MYO18B: variants seen among roughly 807,000 people sequenced by gnomAD.
MYO18B encodes myosin XVIIIB, also known as unconventional myosin-XVIIIb.
MYO18B carries 204 observed loss-of-function variants against 273.0 expected under a neutral mutation model. That is an observed-to-expected ratio of 0.75 (90% CI 0.67 to 0.84). The LOEUF (loss-of-function observed/expected upper bound fraction) is 0.84, where lower values mean the gene tolerates loss of function less well. MYO18B is among the 40% of genes least tolerant of loss of function. MYO18B has a pLI of 0.00. For synonymous variants in MYO18B, 1,330 were observed against 1,305.7 expected, an observed-to-expected ratio of 1.02 and a Z score of -0.40; for missense variants, 3,212 against 3,287.6, an observed-to-expected ratio of 0.98 and a Z score of 0.56.
intron 39 of MYO18B, among the ~76,000 whole-genome samples, chr22:25,982,735 G>A (rs913564443): frequency 3.9e-5 from 6 of 151,986 alleles, no homozygotes; most frequent in Non-Finnish European, 5.9e-5. Context: ...GTATTTTAGG[G>A]ACTACCTGGA....
intron 34 of MYO18B, among the ~76,000 whole-genome samples, chr22:25,943,522 C>T (rs62227570): frequency 0.32 from 48,060 of 151,888 alleles, 8,916 homozygotes; most frequent in Non-Finnish European, 0.43. Flanking sequence ...ATGTGACCCG[C>T]GTCCACATCT....
Position 25,768,218 on chromosome 22 carries a change from G to A in MYO18B, c.302G>A (p.Ser101Asn), listed in dbSNP as rs2145579917. ...SQDDQSSSPG[S>N]SDILGKESEG... is the part of the protein sequence containing the mutation. ...GACGACCAGTCAAGCTCTCCTGGGA[G>A]CTCAGACATTCTGGGCAAGGAGAGC... is the stretch of plus-strand genomic sequence containing the variant. Residue 101 changes from serine (S) to asparagine (N), a missense_variant, in exon 4 of 44, where the codon AGC becomes AAC. Ser to Asn is a conservative substitution (Grantham distance 46, BLOSUM62 1). Transcript: ENST00000335473. The A allele has an allele frequency of 1.2e-6, 2 of 1,614,032 alleles. No individual in the cohort carries two copies. Among genetic ancestry groups the A allele is most frequent in the Non-Finnish European group, 1.7e-6 (2 of 1,179,898 alleles).
At chr22:25,993,270 C>G (rs145195933) in intron 40 of MYO18B, among the ~76,000 whole-genome samples, 6 of 152,260 alleles carry the variant, frequency 3.9e-5, no homozygotes, top group Middle Eastern at 3.4e-3. Flanking sequence ...ACCTTTGTAC[C>G]CTTGGCTTAT....
At chr22:25,893,198 G>C (rs963206143) in intron 27 of MYO18B, among the ~76,000 whole-genome samples, 1 of 152,192 alleles carries the variant, frequency 6.6e-6, no homozygotes, top group Admixed American at 6.5e-5. Context: ...GTTCAAGATG[G>C]AGTATGAATT....
In MYO18B at chr22:25,883,229, A is replaced by G. The variant is rs1216814537; in HGVS notation, c.4314+5181A>G. Among the ~76,000 whole-genome samples the G allele has an allele frequency of 6.6e-6, 1 of 152,152 alleles. No individual in the cohort carries two copies. Among genetic ancestry groups the G allele is most frequent in the Non-Finnish European group, 1.5e-5 (1 of 68,026 alleles). On this transcript the variant is annotated intron_variant, in intron 25 of 43. Coordinates refer to ENST00000335473, the MANE Select transcript of MYO18B (RefSeq NM_032608.7). The surrounding 1 kb of genome is among the most constrained non-coding windows in gnomAD (Gnocchi z 7.6). ...AAAGAGCATTCCAGTCACCTGGGGA[A>G]CAGTTAGCTCTGTATCTTCCCCAGT...
rs138506899 is a variant in MYO18B at position 25,869,473 on chromosome 22, AGAAGGAAG to A, written c.3951+1103_3951+1110del. 2.4e-3 allele frequency among the ~76,000 whole-genome samples: 281 copies of A among 115,820 alleles called. 1 individual carries two copies. Among genetic ancestry groups the A allele is most frequent in the African/African-American group, 4.5e-3 (123 of 27,046 alleles). The allele number at this position is 115,820 out of a possible 152,430, so 76.0% of individuals were successfully genotyped here. On this transcript the variant is annotated intron_variant, in intron 22 of 43. Coordinates refer to ENST00000335473, the MANE Select transcript of MYO18B (RefSeq NM_032608.7). ...TCAAAAAAAAAAAAAAAAAAAAAAAAGAAGGAAGGAAGGAAGGAAGGAGGGAGGGAGGG... is the reference window on the plus strand; with the variant it reads ...TCAAAAAAAAAAAAAAAAAAAAAAAAGAAGGAAGGAAGGAGGGAGGGAGGG...
Position 25,823,565 on chromosome 22 carries a change from G to T in MYO18B, c.2582G>T (p.Cys861Phe), listed in dbSNP as rs2089367016. The change falls in exon 13 of 44, where the codon TGC (cysteine) becomes TTC (phenylalanine). Residue 861 changes from cysteine to phenylalanine, a missense_variant. By Grantham distance (205) the Cys-to-Phe change is radical (BLOSUM62 -2). Transcript: ENST00000335473. ...AACTACGCAGCTGAGGCCCTGGGCT[G>T]CGAGTATGAGGAGCTGAACACGGCC... ...WANYAAEALG[C>F]EYEELNTATF... The T allele has an allele frequency of 6.2e-7, 1 of 1,613,892 alleles. No homozygotes were observed. The highest frequency in any genetic ancestry group is 1.3e-5 in the African/African-American group (1 of 74,922).
At chr22:25,819,976 G>T (rs933917057) in intron 12 of MYO18B, among the ~76,000 whole-genome samples, 1 of 50,936 alleles carries the variant, frequency 2.0e-5, no homozygotes, top group Non-Finnish European at 4.4e-5. Flanking sequence ...AATAACCCAG[G>T]CTTTTCAACT....
chr22:25,999,544 CCCCCTCCCCCTCT>C (rs1456072782), intron 40 of MYO18B, among the ~76,000 whole-genome samples: 937 of 36,230 alleles, frequency 0.026, 17 homozygotes, highest in African/African-American at 0.14. Flanking sequence ...TCCCCCTCTT[CCCCCTCCCCCTCT>C]TCCCCCTCCT....
chr22:25,904,783 C>A (rs1318607331), intron 31 of MYO18B, among the ~76,000 whole-genome samples: 1 of 151,738 alleles, frequency 6.6e-6, no homozygotes, highest in Non-Finnish European at 1.5e-5. Flanking sequence ...CAATCCAAAC[C>A]ACAAAAGTAC....
At chr22:25,881,851 C>G (rs1451018020) in intron 25 of MYO18B, among the ~76,000 whole-genome samples, 2 of 151,732 alleles carry the variant, frequency 1.3e-5, no homozygotes, top group East Asian at 3.9e-4. Flanking sequence ...AAAGCCAGAG[C>G]AAAGGGAAAT....
intron 42 of MYO18B, among the ~76,000 whole-genome samples, chr22:26,010,147 C>G (rs1296051321): frequency 2.6e-5 from 4 of 152,088 alleles, no homozygotes; most frequent in Non-Finnish European, 5.9e-5. Context: ...ATTCTACCCC[C>G]CACCCAAACA....
chr22:26,008,238 T>C (rs1934595499), intron 42 of MYO18B, among the ~76,000 whole-genome samples: 1 of 152,210 alleles, frequency 6.6e-6, no homozygotes, highest in African/African-American at 2.4e-5. Context: ...GATATTAACT[T>C]GTCAAGCTTT....
rs186211848 is a variant in MYO18B, at chr22:25,768,759, A to G, written c.843A>G (p.Lys281=). ...QGPGEGVRPG[K]AEKEGAEPTN... ...CCGGCGAGGGGGTGCGACCAGGGAA[A>G]GCAGAGAAGGAGGGAGCAGAGCCCA... Residue 281 remains lysine, a synonymous_variant, in exon 4 of 44, where the codon AAA becomes AAG. Coordinates refer to ENST00000335473, the MANE Select transcript of MYO18B (RefSeq NM_032608.7). 6.2e-7 allele frequency: 1 copy of G among 1,607,232 alleles called. No homozygotes were observed. Among genetic ancestry groups the G allele is most frequent in the East Asian group, 2.2e-5 (1 of 44,700 alleles).
chr22:25,847,440 C>G lies in MYO18B; in HGVS notation c.3563C>G (p.Thr1188Ser), dbSNP rs2090285838. The part of the protein sequence containing the change: ...SQIKLQMDAL[T>S]SMIKRSRLHF... ...CTCTATTTGGTCTAGGATGCGCTGA[C>G]CAGCATGATCAAAAGGTCCCGGCTG... Residue 1188 changes from threonine (T) to serine (S), a missense_variant, in exon 20 of 44, where the codon ACC becomes AGC. Transcript: ENST00000335473. The G allele has an allele frequency of 6.4e-7, 1 of 1,569,000 alleles. No homozygotes were observed. The highest frequency in any genetic ancestry group is 1.2e-5 in the South Asian group (1 of 84,976).
chr22:25,834,989 C>G (rs2089845008), intron 16 of MYO18B, among the ~76,000 whole-genome samples: 1 of 152,148 alleles, frequency 6.6e-6, no homozygotes, highest in Non-Finnish European at 1.5e-5. Context: ...CCATGGCCCT[C>G]CAAGGAAGGT....
intron 39 of MYO18B, among the ~76,000 whole-genome samples, chr22:25,985,426 A>T (rs2093191386): frequency 1.3e-5 from 2 of 152,188 alleles, no homozygotes; most frequent in Admixed American, 1.3e-4. Context: ...CAGGATAATT[A>T]TGAGGAAAGG....
At chr22:25,966,240 T>C (rs1005203611) in intron 39 of MYO18B, among the ~76,000 whole-genome samples, 1 of 152,126 alleles carries the variant, frequency 6.6e-6, no homozygotes, top group Non-Finnish European at 1.5e-5. Flanking sequence ...TGTTTTTTGT[T>C]TGTTTGTTTT....
In MYO18B at chr22:25,912,235, CCTT is replaced by C. The variant is rs540513446; in HGVS notation, c.5364+1191_5364+1193del. On this transcript the variant is annotated intron_variant, in intron 33 of 43. Transcript: ENST00000335473. ...AAGCTGAGGGAGTCAATATAATCTT[CCTT>C]CTTCTCTGGGTTTTCTAATTTTCCA... 1.5e-3 allele frequency among the ~76,000 whole-genome samples: 234 copies of C among 152,290 alleles called. 2 individuals carry two copies. The highest frequency in any genetic ancestry group is 4.5e-3 in the African/African-American group (189 of 41,544).
Sources: allele counts gnomAD v4.1 joint callset (sites outside exome capture counted in the v4.1 genomes callset), GRCh38; gene constraint gnomAD v4.1.1; non-coding constraint Gnocchi (gnomAD v3.1); transcripts MANE v1.5; gene names NCBI Gene and HGNC (gene_info 2026-07-23, HGNC 2026-07-21).